The following PCDHAC2 variants were observed in gnomAD, a reference collection of about 807,000 sequenced individuals.
The protein encoded by PCDHAC2 is protocadherin alpha-C2.
In PCDHAC2, 24 loss-of-function variants were observed where a neutral mutation model predicts 63.3. That is an observed-to-expected ratio of 0.38 (90% confidence interval 0.27 to 0.53). The LOEUF (loss-of-function observed/expected upper bound fraction) is 0.53. Ranked by LOEUF, PCDHAC2 falls within the 20% of genes least tolerant of loss-of-function variation. The pLI is 0.81. For missense variants in PCDHAC2, 1,181 were observed against 1,275.2 expected (o/e 0.93, Z 1.12); for synonymous variants, 569 against 529.4 (o/e 1.07, Z -1.03).
intron 3 of PCDHAC2, among the ~76,000 whole-genome samples, chr5:141,008,739 C>A (rs1554261919): frequency 1.3e-5 from 2 of 152,166 alleles, no homozygotes; most frequent in Non-Finnish European, 2.9e-5. Context: ...AGACTGTGAG[C>A]ACACTGAGGG....
At chr5:140,980,507 G>A (rs1274816745) in intron 2 of PCDHAC2, among the ~76,000 whole-genome samples, 1 of 152,136 alleles carries the variant, frequency 6.6e-6, no homozygotes, top group African/African-American at 2.4e-5. Flanking sequence ...GCATGTGCCT[G>A]TAGTTCCAGC....
At chr5:140,982,191 T>G (rs1431582069) in intron 2 of PCDHAC2, among the ~76,000 whole-genome samples, 1 of 152,266 alleles carries the variant, frequency 6.6e-6, no homozygotes, top group African/African-American at 2.4e-5. Context: ...ATGGGCTTCC[T>G]GTTAGATTTA....
chr5:140,990,136 A>C (rs996616541), intron 3 of PCDHAC2, among the ~76,000 whole-genome samples: 1 of 152,198 alleles, frequency 6.6e-6, no homozygotes, highest in African/African-American at 2.4e-5. Context: ...GTCAGACTCA[A>C]GAGGCATAAT....
At chr5:140,990,022 G>C (rs891983888) in intron 3 of PCDHAC2, among the ~76,000 whole-genome samples, 1 of 152,156 alleles carries the variant, frequency 6.6e-6, no homozygotes, top group Non-Finnish European at 1.5e-5. Flanking sequence ...GCTAGGCAAA[G>C]GATGGGAGAA....
intron 3 of PCDHAC2, among the ~76,000 whole-genome samples, chr5:140,985,476 T>C (rs1554247100): frequency 6.6e-6 from 1 of 152,162 alleles, no homozygotes; most frequent in Admixed American, 6.6e-5. Flanking sequence ...ATTTGGTTGT[T>C]TCCAGACTCA....
intron 3 of PCDHAC2, among the ~76,000 whole-genome samples, chr5:141,008,665 T>A (rs2098385671): frequency 6.6e-6 from 1 of 152,210 alleles, no homozygotes; most frequent in Non-Finnish European, 1.5e-5. Context: ...CACAATACTT[T>A]ACATATACTT....
Position 140,969,225 on chromosome 5 carries a change from C to G in PCDHAC2, c.2459C>G (p.Ser820Trp), listed in dbSNP as rs782766938. The part of the protein sequence containing the change: ...NTGAQTGPGP[S>W]GAQAAVTDSR... The stretch of plus-strand genomic sequence containing the variant: ...GGGGCCCAGACAGGACCAGGGCCTT[C>G]GGGAGCCCAAGCAGCAGTGACTGAC... Residue 820 changes from serine to tryptophan, a missense_variant, in exon 1 of 4, where the codon TCG (serine) becomes TGG (tryptophan). Transcript: ENST00000289269. 8.1e-6 allele frequency: 13 copies of G among 1,614,118 alleles called. No individual in the cohort carries two copies. Among genetic ancestry groups the G allele is most frequent in the Admixed American group, 1.7e-5 (1 of 60,018 alleles).
At chr5:141,000,417 A>ATTTTT (rs1563652061) in intron 3 of PCDHAC2, among the ~76,000 whole-genome samples, 3 of 77,750 alleles carry the variant, frequency 3.9e-5, no homozygotes, top group Non-Finnish European at 7.0e-5. Flanking sequence ...ATATATATAT[A>ATTTTT]TATATTTTTT....
chr5:141,011,997 A>G lies in PCDHAC2; in HGVS notation c.*2060A>G, dbSNP rs2098422641. ...TGTCTACTTTTAGCTTCATTCTCCCATATTTTGAAGGGTGTGTAACTTCAG... is the reference window on the plus strand; with the variant it reads ...TGTCTACTTTTAGCTTCATTCTCCCGTATTTTGAAGGGTGTGTAACTTCAG... On this transcript the variant is annotated 3_prime_UTR_variant, in exon 4 of 4. Coordinates refer to ENST00000289269, the MANE Select transcript of PCDHAC2 (RefSeq NM_018899.6). 1 of 153,712 alleles carries G rather than the reference A, an allele frequency of 6.5e-6. No homozygotes were observed. Among genetic ancestry groups the G allele is most frequent in the Non-Finnish European group, 1.5e-5 (1 of 68,034 alleles). 9.5% of individuals were successfully genotyped at this position (153,712 alleles called of 1,614,324 possible).
In PCDHAC2 at chr5:140,990,889, G is replaced by A. The variant is rs569864202; in HGVS notation, c.2713+8326G>A. Among the ~76,000 whole-genome samples, 53 of 152,284 alleles carry A rather than the reference G, an allele frequency of 3.5e-4. 2 individuals are homozygous for A. The South Asian group carries it at 8.3e-3, about 24-fold the overall frequency. Reference sequence around the variant, plus strand: ...TTTAAGTGTATGTTCCAGTGAGTGGGTCGTTGCTGGGTCAAGTTTTATAAG... The same window carrying A: ...TTTAAGTGTATGTTCCAGTGAGTGGATCGTTGCTGGGTCAAGTTTTATAAG... On this transcript the variant is annotated intron_variant, in intron 3 of 3. Transcript: ENST00000289269.
intron 1 of PCDHAC2, among the ~76,000 whole-genome samples, chr5:140,970,926 G>A (rs1179837731): frequency 6.6e-6 from 1 of 152,154 alleles, no homozygotes; most frequent in Non-Finnish European, 1.5e-5. Flanking sequence ...AGAAGTGCCT[G>A]GTGTTAGTCA....
intron 3 of PCDHAC2, among the ~76,000 whole-genome samples, chr5:140,992,490 G>A (rs2097515419): frequency 6.6e-6 from 1 of 152,196 alleles, no homozygotes; most frequent in Non-Finnish European, 1.5e-5. Flanking sequence ...AGGCCAATCT[G>A]TAAGGATTCA....
At position 141,010,088 on chromosome 5, in the gene PCDHAC2, C is replaced by T. The variant is rs1165296922; in HGVS notation, c.*151C>T. ...GAAAGTTCCCTGTGTCTGTCTAGAA[C>T]GCATTTAACAGGTTTTGTCGTAAAA... On this transcript the variant is annotated 3_prime_UTR_variant, in exon 4 of 4. Transcript: ENST00000289269. 2.0e-5 allele frequency: 33 copies of T among 1,612,012 alleles called. No homozygotes were observed. Among genetic ancestry groups the T allele is most frequent in the South Asian group, 4.4e-5 (4 of 90,728 alleles).
intron 3 of PCDHAC2, 115 bp downstream of exon 3, chr5:140,982,678 C>G: frequency 6.9e-7 from 1 of 1,438,900 alleles, no homozygotes; most frequent in East Asian, 2.5e-5. Context: ...TTTGTTATTC[C>G]CTTTTTTCCA....
At position 140,969,279 on chromosome 5, in the gene PCDHAC2, A is replaced by G. The variant is rs782221973; in HGVS notation, c.2513A>G (p.Gln838Arg). The G allele has an allele frequency of 1.9e-6, 3 of 1,614,244 alleles. No homozygotes were observed. Among genetic ancestry groups the G allele is most frequent in the East Asian group, 2.2e-5 (1 of 44,886 alleles). Residue 838 changes from glutamine (Q) to arginine (R), a missense_variant, in exon 1 of 4, where the codon CAG becomes CGG. Gln to Arg is a conservative substitution (Grantham distance 43). Coordinates refer to ENST00000289269, the MANE Select transcript of PCDHAC2 (RefSeq NM_018899.6). ...DSRNLTGQSG[Q>R]NAGNLIILKN... is the part of the protein sequence containing the mutation. ...AGGAATCTCACAGGCCAAAGTGGTC[A>G]GAATGCTGGGAACCTGATTATTCTC...
At chr5:140,994,726 G>A (rs774837274) in intron 3 of PCDHAC2, among the ~76,000 whole-genome samples, 1 of 151,958 alleles carries the variant, frequency 6.6e-6, no homozygotes, top group Non-Finnish European at 1.5e-5. Flanking sequence ...TAAAATACTG[G>A]GTATTGCAGG....
intron 1 of PCDHAC2, 127 bp from the exon 2 acceptor site, chr5:140,978,822 A>G: frequency 6.6e-7 from 1 of 1,521,216 alleles, no homozygotes; most frequent in Non-Finnish European, 8.8e-7. Context: ...GTTACACATG[A>G]AATGGCTCAT....
chr5:140,999,673 T>G (rs2097868835), intron 3 of PCDHAC2, among the ~76,000 whole-genome samples: 1 of 152,050 alleles, frequency 6.6e-6, no homozygotes, highest in Non-Finnish European at 1.5e-5. Context: ...TGCGGGGGGC[T>G]CACAGAAAGA....
intron 1 of PCDHAC2, among the ~76,000 whole-genome samples, chr5:140,970,929 G>A (rs537614286): frequency 1.4e-4 from 22 of 152,192 alleles, no homozygotes; most frequent in Non-Finnish European, 2.9e-4. Flanking sequence ...AGTGCCTGGT[G>A]TTAGTCAATG....
Sources: gnomAD v4.1 joint callset for allele counts (sites outside exome capture counted in the v4.1 genomes callset) on GRCh38, gnomAD v4.1.1 for gene constraint, MANE v1.5 for transcripts, NCBI Gene and HGNC (gene_info 2026-07-23, HGNC 2026-07-21) for gene names.